The following CELF2 variants were observed in gnomAD, a reference collection of about 807,000 sequenced individuals.
The protein encoded by CELF2 is CUG triplet repeat RNA-binding protein 2.
CELF2 carries 8 observed loss-of-function variants against 62.6 expected under a neutral mutation model. That is an observed-to-expected ratio of 0.13 (90% confidence interval 0.07 to 0.23). The LOEUF (loss-of-function observed/expected upper bound fraction) is 0.23, where lower values mean the gene tolerates loss of function less well. Ranked by LOEUF, CELF2 falls within the 10% of genes least tolerant of loss-of-function variation. The probability of loss-of-function intolerance (pLI) is 1.00; values close to 1 mark genes in which losing one functional copy is unlikely to be tolerated. For missense variants in CELF2, 333 were observed against 671.0 expected (o/e 0.50, Z 5.56); for synonymous variants, 258 against 250.0 (o/e 1.03, Z -0.30).
chr10:11,063,426 A>G (rs1255360869), intron 1 of CELF2, among the ~76,000 whole-genome samples: 3 of 152,248 alleles, frequency 2.0e-5, no homozygotes, highest in South Asian at 2.1e-4. Context: ...ACATGTCAAT[A>G]TTGAAACTAG....
rs529509305 is a variant in CELF2 at position 11,213,976 on chromosome 10, C to T, written c.272-3449C>T. Among the ~76,000 whole-genome samples, 4 of 152,244 alleles carry T rather than the reference C, an allele frequency of 2.6e-5. No individual in the cohort carries two copies. In the South Asian group the frequency reaches 8.3e-4, roughly 32 times the overall value. ...TTTCGTGGGGGGATATTAAGCAGAC[C>T]TGCTTTTTACTTACTGATGAGACTA... On this transcript the variant is annotated intron_variant, in intron 2 of 12. Transcript: ENST00000633077.
chr10:10,658,248 A>G, the CELF2 span, among the ~76,000 whole-genome samples: 3 of 152,022 alleles, frequency 2.0e-5, no homozygotes, highest in Non-Finnish European at 4.4e-5. Flanking sequence ...TTGCCCATTT[A>G]TTTGTCCCAA....
chr10:11,053,197 TTTA>T (rs891131270), intron 1 of CELF2, among the ~76,000 whole-genome samples: 2 of 152,188 alleles, frequency 1.3e-5, no homozygotes, highest in African/African-American at 4.8e-5. Flanking sequence ...GGACATTTGT[TTTA>T]TTATTATTAC....
At chr10:10,694,751 C>T in the CELF2 span, among the ~76,000 whole-genome samples, 2 of 151,788 alleles carry the variant, frequency 1.3e-5, no homozygotes, top group African/African-American at 4.9e-5. Context: ...GAATTGATCC[C>T]TTTACCATTA....
At chr10:11,190,686 C>T (rs1460970661) in intron 2 of CELF2, among the ~76,000 whole-genome samples, 1 of 147,116 alleles carries the variant, frequency 6.8e-6, no homozygotes, top group African/African-American at 2.5e-5. Flanking sequence ...CCTCGAAAAT[C>T]TCCCTGAAAT....
chr10:10,765,239 A>C, the CELF2 span, among the ~76,000 whole-genome samples: 2 of 152,342 alleles, frequency 1.3e-5, no homozygotes, highest in African/African-American at 4.8e-5. Context: ...TCTGAATTGC[A>C]CAAGGGTGGC....
intron 1 of CELF2, among the ~76,000 whole-genome samples, chr10:10,826,711 T>C (rs967320604): frequency 3.3e-5 from 5 of 152,128 alleles, no homozygotes; most frequent in Admixed American, 1.3e-4. Flanking sequence ...ACAGTGAAAA[T>C]GGAAATACCC....
At chr10:10,830,028 A>G (rs2057716762) in intron 1 of CELF2, among the ~76,000 whole-genome samples, 2 of 150,162 alleles carry the variant, frequency 1.3e-5, no homozygotes, top group South Asian at 2.1e-4. Context: ...TCAATCCTCT[A>G]TGATATTTAC....
intron 1 of CELF2, among the ~76,000 whole-genome samples, chr10:11,118,285 C>T (rs543611497): frequency 2.6e-5 from 4 of 152,034 alleles, no homozygotes; most frequent in Admixed American, 6.6e-5. Context: ...GTACTGTTTT[C>T]AATAGGTCAC....
At chr10:11,232,106 A>T (rs1420542855) in intron 3 of CELF2, among the ~76,000 whole-genome samples, 1 of 152,058 alleles carries the variant, frequency 6.6e-6, no homozygotes, top group Non-Finnish European at 1.5e-5. Context: ...CTCGTCAGTT[A>T]ACATTAGGTA....
the CELF2 span, among the ~76,000 whole-genome samples, chr10:10,560,890 A>G: frequency 0.012 from 1,849 of 152,294 alleles, 16 homozygotes; most frequent in Non-Finnish European, 0.013. Flanking sequence ...ATTGGATACT[A>G]TTATTCTAAG....
chr10:10,832,694 G>T (rs1318416031), intron 1 of CELF2, among the ~76,000 whole-genome samples: 1 of 152,184 alleles, frequency 6.6e-6, no homozygotes, highest in African/African-American at 2.4e-5. Flanking sequence ...CCATTTACAG[G>T]ACCTTTTCCC....
chr10:11,011,630 G>A lies in CELF2; in HGVS notation c.53+6190G>A, dbSNP rs1460582478. Among the ~76,000 whole-genome samples, 1 of 151,414 alleles carries A rather than the reference G, an allele frequency of 6.6e-6. No homozygotes were observed. Among genetic ancestry groups the A allele is most frequent in the Non-Finnish European group, 1.5e-5 (1 of 67,956 alleles). On this transcript the variant is annotated intron_variant, in intron 1 of 12. Coordinates refer to the CELF2 transcript ENST00000416382. This position sits in a 1 kb window ranked among gnomAD's most constrained non-coding sequence, Gnocchi z 4.6. ...AGGAAATTGAGAAGTGAAGTGATTA[G>A]GTCACATGACACTTTGTACTCAGCG...
chr10:10,739,969 T>G, the CELF2 span, among the ~76,000 whole-genome samples: 1 of 152,178 alleles, frequency 6.6e-6, no homozygotes, highest in African/African-American at 2.4e-5. Context: ...TGTTGTTTGT[T>G]TATTTGCTAT....
the CELF2 span, among the ~76,000 whole-genome samples, chr10:10,706,207 A>G: frequency 2.0e-5 from 3 of 152,112 alleles, no homozygotes; most frequent in Non-Finnish European, 4.4e-5. Context: ...TCCCTTTTAC[A>G]TGTACTTTTC....
At chr10:11,179,517 C>T (rs1462571278) in intron 2 of CELF2, among the ~76,000 whole-genome samples, 5 of 152,222 alleles carry the variant, frequency 3.3e-5, no homozygotes, top group Non-Finnish European at 5.9e-5. Context: ...TGCTACCTCT[C>T]TCTGATCCAC....
At chr10:11,070,037 G>T (rs776134214) in intron 1 of CELF2, among the ~76,000 whole-genome samples, 1 of 152,114 alleles carries the variant, frequency 6.6e-6, no homozygotes, top group Non-Finnish European at 1.5e-5. Context: ...AAAAATTTGG[G>T]TTTGCTATTT....
At position 11,264,807 on chromosome 10, in the gene CELF2, G is replaced by A. The variant is rs534398694; in HGVS notation, c.539-1791G>A. Among the ~76,000 whole-genome samples, 32 of 152,298 alleles carry A rather than the reference G, an allele frequency of 2.1e-4. 1 individual carries two copies. In the South Asian group the frequency reaches 5.6e-3, roughly 27 times the overall value. Reference sequence around the variant, plus strand: ...TACAGTCAGTCTTAGTACAGGTAGCGTGTTCAGATAGTAAGCTTCATCAGC... The same window carrying A: ...TACAGTCAGTCTTAGTACAGGTAGCATGTTCAGATAGTAAGCTTCATCAGC... On this transcript the variant is annotated intron_variant, in intron 5 of 12. Coordinates refer to ENST00000633077, the MANE Select transcript of CELF2 (RefSeq NM_001326342.2).
chr10:11,132,856 T>A (rs1488071690), intron 1 of CELF2, among the ~76,000 whole-genome samples: 1 of 152,174 alleles, frequency 6.6e-6, no homozygotes, highest in Non-Finnish European at 1.5e-5. Flanking sequence ...GCAGTGAAAT[T>A]GCTTTGTTTT....
Sources: gnomAD v4.1 joint callset for allele counts (sites outside exome capture counted in the v4.1 genomes callset) on GRCh38, gnomAD v4.1.1 for gene constraint, Gnocchi (gnomAD v3.1) non-coding constraint, MANE v1.5 for transcripts, NCBI Gene and HGNC (gene_info 2026-07-23, HGNC 2026-07-21) for gene names.